The following PLD5 variants were observed in gnomAD, a reference collection of about 807,000 sequenced individuals.
PLD5 encodes inactive phospholipase D5.
Under a neutral mutation model 61.1 loss-of-function variants are expected in PLD5, and 36 were observed. The observed-to-expected ratio is 0.59, with a 90% CI of 0.45 to 0.78. PLD5 has a LOEUF of 0.78. Among genes scored for constraint, PLD5 ranks in the 30% least tolerant of loss-of-function variants. PLD5 has a pLI of 0.00. For missense variants in PLD5, 515 were observed against 644.4 expected, an observed-to-expected ratio of 0.80 and a Z score of 2.17; for synonymous variants, 243 against 242.8, an observed-to-expected ratio of 1.00 and a Z score of -0.01.
intron 2 of PLD5, among the ~76,000 whole-genome samples, chr1:242,337,523 C>T (rs894779267): frequency 1.3e-5 from 2 of 152,106 alleles, no homozygotes; most frequent in Admixed American, 1.3e-4. Flanking sequence ...CCCAGATACT[C>T]AGTAGGCTGA....
intron 4 of PLD5, among the ~76,000 whole-genome samples, chr1:242,255,894 T>A (rs1306378017): frequency 6.6e-6 from 1 of 152,240 alleles, no homozygotes; most frequent in Non-Finnish European, 1.5e-5. Context: ...CTTATTTCAA[T>A]TAAGATTTTG....
At chr1:242,490,284 G>T (rs1668102348) in intron 1 of PLD5, among the ~76,000 whole-genome samples, 1 of 152,216 alleles carries the variant, frequency 6.6e-6, no homozygotes, top group African/African-American at 2.4e-5. Context: ...GTAGTCATTT[G>T]TAATAAACCC....
intron 9 of PLD5, among the ~76,000 whole-genome samples, chr1:242,094,596 C>T (rs919968820): frequency 2.0e-5 from 3 of 151,896 alleles, no homozygotes; most frequent in Non-Finnish European, 4.4e-5. Context: ...TATACTAGAA[C>T]TGTGCTTCAG....
intron 5 of PLD5, among the ~76,000 whole-genome samples, chr1:242,175,279 A>C (rs959667022): frequency 5.3e-5 from 8 of 152,234 alleles, no homozygotes; most frequent in African/African-American, 1.9e-4. Flanking sequence ...TGTCCCTAGG[A>C]TGCATGGCTG....
chr1:242,435,938 A>G (rs1665974102), intron 1 of PLD5, among the ~76,000 whole-genome samples: 1 of 152,228 alleles, frequency 6.6e-6, no homozygotes, highest in African/African-American at 2.4e-5. Flanking sequence ...AAAAAGTAGT[A>G]GAGAAAGAAA....
intron 2 of PLD5, among the ~76,000 whole-genome samples, chr1:242,312,182 T>C (rs12087607): frequency 0.011 from 1,745 of 152,202 alleles, 21 homozygotes; most frequent in African/African-American, 0.039. Flanking sequence ...AGTCTGATGG[T>C]TGTGTTTCTT....
At chr1:242,334,491 G>A (rs1659385833) in intron 2 of PLD5, among the ~76,000 whole-genome samples, 1 of 152,158 alleles carries the variant, frequency 6.6e-6, no homozygotes, top group Non-Finnish European at 1.5e-5. Flanking sequence ...GAGCTTCCCT[G>A]GGCCATGGAG....
At chr1:242,145,119 A>G (rs1319253059) in intron 5 of PLD5, among the ~76,000 whole-genome samples, 3 of 152,194 alleles carry the variant, frequency 2.0e-5, no homozygotes, top group African/African-American at 7.2e-5. Context: ...TTAGTAAAGG[A>G]TGGTACTAGA....
intron 5 of PLD5, among the ~76,000 whole-genome samples, chr1:242,173,154 C>T (rs561124454): frequency 1.1e-4 from 17 of 152,144 alleles, no homozygotes; most frequent in Non-Finnish European, 2.4e-4. Flanking sequence ...TCTAGAAAAC[C>T]CCATCGTCTC....
chr1:242,319,781 G>A (rs1392584625), intron 2 of PLD5, among the ~76,000 whole-genome samples: 2 of 152,118 alleles, frequency 1.3e-5, no homozygotes, highest in Non-Finnish European at 2.9e-5. Flanking sequence ...TTAATTTTAG[G>A]TTATGTAATA....
chr1:242,155,450 A>T (rs454494), intron 5 of PLD5, among the ~76,000 whole-genome samples: 1 of 151,896 alleles, frequency 6.6e-6, no homozygotes, highest in Non-Finnish European at 1.5e-5. Context: ...TTAGGGTGTC[A>T]ATTTTAGATC....
intron 1 of PLD5, among the ~76,000 whole-genome samples, chr1:242,399,483 C>T (rs985833791): frequency 1.3e-5 from 2 of 152,088 alleles, no homozygotes; most frequent in African/African-American, 2.4e-5. Context: ...ATTAAGCAAG[C>T]GTATTCATTC....
At chr1:242,427,641 G>A (rs1354362845) in intron 1 of PLD5, among the ~76,000 whole-genome samples, 1 of 152,154 alleles carries the variant, frequency 6.6e-6, no homozygotes, top group Non-Finnish European at 1.5e-5. Context: ...AAAGCTAATT[G>A]CTTTCCTTTT....
chr1:242,126,524 G>A (rs531641046), intron 5 of PLD5, among the ~76,000 whole-genome samples: 2 of 152,272 alleles, frequency 1.3e-5, no homozygotes, highest in South Asian at 4.1e-4. Context: ...ACAGCCAACT[G>A]ATCTATGACA....
intron 2 of PLD5, among the ~76,000 whole-genome samples, chr1:242,301,770 T>TTATTATTA (rs1326126439): frequency 7.8e-6 from 1 of 128,820 alleles, no homozygotes; most frequent in Non-Finnish European, 1.8e-5. Context: ...TAAAACATTA[T>TTATTATTA]TATTATTATT....
At chr1:242,269,376 C>T (rs1013606374) in intron 3 of PLD5, among the ~76,000 whole-genome samples, 1 of 151,492 alleles carries the variant, frequency 6.6e-6, no homozygotes, top group African/African-American at 2.4e-5. Context: ...AAGCTGTACC[C>T]CCAAAATAGA....
intron 1 of PLD5, among the ~76,000 whole-genome samples, chr1:242,362,655 T>C (rs146812504): frequency 0.056 from 8,478 of 152,172 alleles, 300 homozygotes; most frequent in Middle Eastern, 0.092. Flanking sequence ...TTCTGGATAA[T>C]GACTACACTC....
At chr1:242,147,792 A>T (rs769046409) in intron 5 of PLD5, among the ~76,000 whole-genome samples, 4 of 152,196 alleles carry the variant, frequency 2.6e-5, no homozygotes, top group Non-Finnish European at 4.4e-5. Context: ...AGGTATTTAT[A>T]TACTGACTTG....
intron 3 of PLD5, among the ~76,000 whole-genome samples, chr1:242,273,202 T>C (rs1264323663): frequency 6.6e-6 from 1 of 151,876 alleles, no homozygotes; most frequent in African/African-American, 2.4e-5. Context: ...CTGTGTTAGT[T>C]TGCTGAGAAT....
Sources: gnomAD v4.1 joint callset for allele counts (sites outside exome capture counted in the v4.1 genomes callset) on GRCh38, gnomAD v4.1.1 for gene constraint, MANE v1.5 for transcripts, NCBI Gene and HGNC (gene_info 2026-07-23, HGNC 2026-07-21) for gene names.